MROH2A: variants seen among roughly 807,000 people sequenced by gnomAD.
The protein encoded by MROH2A is maestro heat like repeat family member 2A.
MROH2A carries 174 observed loss-of-function variants against 200.4 expected under a neutral mutation model. That is an observed-to-expected ratio of 0.87 (90% CI 0.77 to 0.98). The LOEUF is 0.98. Ranked by LOEUF, MROH2A falls within the 50% of genes least tolerant of loss-of-function variation. The pLI is 0.00. For missense variants in MROH2A, 2,045 were observed against 2,139.6 expected, an observed-to-expected ratio of 0.96 and a Z score of 0.87; for synonymous variants, 829 against 840.4, an observed-to-expected ratio of 0.99 and a Z score of 0.23.
chr2:233,812,544 T>A (rs1575980178), intron 24 of MROH2A, among the ~76,000 whole-genome samples: 2 of 152,224 alleles, frequency 1.3e-5, no homozygotes, highest in East Asian at 1.9e-4. Flanking sequence ...TTAAGCTGCA[T>A]CAAACAGGCA....
chr2:233,812,029 C>T (rs1703194433), intron 24 of MROH2A, 70 bp downstream of exon 24: 2 of 1,082,856 alleles, frequency 1.8e-6, no homozygotes, highest in African/African-American at 3.1e-5. Flanking sequence ...CCTCGGTGCT[C>T]CTTCAGGGGT....
chr2:233,793,523 G>T (rs1322596609), intron 6 of MROH2A, 150 bp from the exon 7 acceptor site: 1 of 611,286 alleles, frequency 1.6e-6, no homozygotes, highest in Non-Finnish European at 2.5e-6. Context: ...GAGTAAAAAT[G>T]AAGGTGCTGT....
At chr2:233,806,729 G>C (rs558187776) in intron 19 of MROH2A, among the ~76,000 whole-genome samples, 4 of 152,046 alleles carry the variant, frequency 2.6e-5, no homozygotes, top group Admixed American at 1.3e-4. Flanking sequence ...CCTTTAACAC[G>C]TATAACATGC....
chr2:233,803,442 A>G lies in MROH2A; in HGVS notation c.1709-6A>G. ...GCTCAGCTGGGGTTGCATTTCCTTC[A>G]ATCAGTGGACCTGCCTGCACCTCAG... is the stretch of plus-strand genomic sequence containing the variant. On this transcript the variant is annotated splice_region_variant and splice_polypyrimidine_tract_variant and intron_variant, in intron 15 of 41. Transcript: ENST00000389758. 6.4e-7 allele frequency: 1 copy of G among 1,550,492 alleles called. No homozygotes were observed. Among genetic ancestry groups the G allele is most frequent in the Non-Finnish European group, 8.7e-7 (1 of 1,146,932 alleles).
Position 233,816,831 on chromosome 2 carries a change from C to A in MROH2A, c.2907C>A (p.Ala969=), listed in dbSNP as rs1280644922. The change falls in exon 27 of 42, where the codon GCC becomes GCA. Residue 969 remains alanine, a synonymous_variant. Transcript: ENST00000389758. ...AGAAAGAATGGGAGCGGGAAAAGGC[C>A]GTGAGCCTCCATCTCTATCTCATGT... ...LSEKEWEREK[A]VSLHLYLMWI... 1 of 1,550,380 alleles carries A rather than the reference C, an allele frequency of 6.5e-7. No homozygotes were observed. The highest frequency in any genetic ancestry group is 8.7e-7 in the Non-Finnish European group (1 of 1,146,890).
At chr2:233,802,052 G>A in intron 14 of MROH2A, 116 bp from the exon 15 acceptor site, 1 of 1,161,426 alleles carries the variant, frequency 8.6e-7, no homozygotes, top group African/African-American at 1.6e-5. Context: ...GACTGTCAGG[G>A]GACATCTCTG....
chr2:233,793,533 T>C, intron 6 of MROH2A, 140 bp from the exon 7 acceptor site: 1 of 675,498 alleles, frequency 1.5e-6, no homozygotes, highest in Non-Finnish European at 2.2e-6. Context: ...GAAGGTGCTG[T>C]GGGGGGTTGG....
At chr2:233,789,705 C>G (rs1468000192) in intron 4 of MROH2A, 77 bp downstream of exon 4, 13 of 1,434,118 alleles carry the variant, frequency 9.1e-6, no homozygotes, top group Non-Finnish European at 9.2e-6. Flanking sequence ...GCCCAGGATG[C>G]CCACAGCCCT....
intron 3 of MROH2A, among the ~76,000 whole-genome samples, chr2:233,788,261 GAGTAAT>G (rs1428027975): frequency 2.2e-5 from 1 of 45,432 alleles, no homozygotes; most frequent in Admixed American, 3.6e-4. Context: ...ATGTCCTTGG[GAGTAAT>G]AATAATAATA....
chr2:233,811,883 G>A lies in MROH2A; in HGVS notation c.2575G>A (p.Val859Ile), dbSNP rs1703179185. 4 of 1,550,062 alleles carry A rather than the reference G, an allele frequency of 2.6e-6. No homozygotes were observed. Among genetic ancestry groups the A allele is most frequent in the Non-Finnish European group, 2.6e-6 (3 of 1,146,622 alleles). Residue 859 changes from valine to isoleucine, a missense_variant, in exon 24 of 42, where the codon GTC (valine) becomes ATC (isoleucine). Around this residue, in one of 3 missense-constraint regions of MROH2A, gnomAD observed 1,201 missense variants for 1,311.3 expected, o/e 0.92. Transcript: ENST00000389758. Reference protein sequence around the residue: ...KTTLTSIIVAVIKAEPTDNLV... With the variant: ...KTTLTSIIVAIIKAEPTDNLV... ...ACCCCCTGCTTGTGTTGGACAGGCG[G>A]TCATCAAGGCAGAACCGACTGACAA...
intron 27 of MROH2A, 42 bp from the exon 28 acceptor site, chr2:233,817,960 G>C (rs1703657087): frequency 6.5e-7 from 1 of 1,549,370 alleles, no homozygotes; most frequent in African/African-American, 1.4e-5. Flanking sequence ...AGGTGTGCAT[G>C]AGAGCACAGA....
At chr2:233,795,832 T>C in intron 9 of MROH2A, 87 bp downstream of exon 9, 1 of 1,547,442 alleles carries the variant, frequency 6.5e-7, no homozygotes, top group Non-Finnish European at 8.7e-7. Flanking sequence ...GGCCCACAAC[T>C]CACTCGCGTG....
chr2:233,793,825 G>A lies in MROH2A; in HGVS notation c.822+1G>A. Reference sequence around the variant, plus strand: ...GTGGCTGAGGCACTACAACCCCGAGGTGAGATGCACCCCTCTTAGGAGGGC... The same window carrying A: ...GTGGCTGAGGCACTACAACCCCGAGATGAGATGCACCCCTCTTAGGAGGGC... On this transcript the variant is annotated splice_donor_variant, in intron 7 of 41. Transcript: ENST00000389758. LOFTEE classifies it high-confidence loss of function. The A allele has an allele frequency of 7.1e-7, 1 of 1,411,456 alleles. No homozygotes were observed. The highest frequency in any genetic ancestry group is 1.7e-5 in the South Asian group (1 of 58,620). 87.4% of individuals were successfully genotyped at this position (1,411,456 alleles called of 1,614,324 possible).
chr2:233,789,336 A>C (rs568605733), intron 3 of MROH2A, among the ~76,000 whole-genome samples, 161 bp from the exon 4 acceptor site: 1 of 152,320 alleles, frequency 6.6e-6, no homozygotes, highest in African/African-American at 2.4e-5. Context: ...GGGCAGGAGA[A>C]GCGAAGCAGG....
At chr2:233,816,648 G>T (rs1165349662) in intron 26 of MROH2A, 133 bp from the exon 27 acceptor site, 4 of 565,766 alleles carry the variant, frequency 7.1e-6, no homozygotes, top group Non-Finnish European at 1.3e-5. Flanking sequence ...CTTCATGATG[G>T]GGCCTGTCTA....
Position 233,822,542 on chromosome 2 carries a change from G to A in MROH2A, c.3852G>A (p.Glu1284=). The A allele has an allele frequency of 6.5e-7, 1 of 1,549,824 alleles. No homozygotes were observed. The part of the protein sequence containing the change: ...KLVHTTPLPE[E]MNLQRVTIKS... ...TCCACACCACTCCTCTGCCGGAGGA[G>A]ATGAACCTGCAAAGGTGCTCTCGAG... Residue 1284 remains glutamate (E), a synonymous_variant, in exon 33 of 42, where the codon GAG becomes GAA. Transcript: ENST00000389758.
At position 233,820,889 on chromosome 2, in the gene MROH2A, G is replaced by A. The variant is rs755188300; in HGVS notation, c.3512+833G>A. Among the ~76,000 whole-genome samples the A allele has an allele frequency of 5.3e-5, 8 of 152,200 alleles. No homozygotes were observed. Among genetic ancestry groups the A allele is most frequent in the African/African-American group, 9.7e-5 (4 of 41,442 alleles). ...TGCTTCTCATAAGGGCAGCCCTGCC[G>A]TGGGTCCAGCTGGGAGGGTGGTGCA... On this transcript the variant is annotated intron_variant, in intron 31 of 41. Coordinates refer to ENST00000389758, the MANE Select transcript of MROH2A (RefSeq NM_001394639.1). The surrounding 1 kb of genome is among the most constrained non-coding windows in gnomAD (Gnocchi z 4.1).
intron 19 of MROH2A, among the ~76,000 whole-genome samples, chr2:233,805,607 G>A (rs1028503486): frequency 6.6e-6 from 1 of 152,124 alleles, no homozygotes; most frequent in Non-Finnish European, 1.5e-5. Flanking sequence ...ACAAAATTAT[G>A]AGAAGAAGAA....
chr2:233,796,012 C>T lies in MROH2A; in HGVS notation c.1105C>T (p.Leu369=). ...PAQHQYSSQN[L]MEMVHCFVAL... Reference sequence around the variant, plus strand: ...CCAGCATCAGTACAGCAGCCAGAATCTGATGGAGATGGTGCACTGCTTCGT... The same window carrying T: ...CCAGCATCAGTACAGCAGCCAGAATTTGATGGAGATGGTGCACTGCTTCGT... Residue 369 remains leucine (L), a synonymous_variant, in exon 10 of 42, where the codon CTG becomes TTG. Transcript: ENST00000389758. 1 of 1,550,614 alleles carries T rather than the reference C, an allele frequency of 6.4e-7. No homozygotes were observed. The highest frequency in any genetic ancestry group is 8.7e-7 in the Non-Finnish European group (1 of 1,146,976).
Sources: gnomAD v4.1 joint callset for allele counts (sites outside exome capture counted in the v4.1 genomes callset) on GRCh38, gnomAD v4.1.1 for gene constraint, gnomAD v4.1.1 regional missense constraint, Gnocchi (gnomAD v3.1) non-coding constraint, MANE v1.5 for transcripts, NCBI Gene and HGNC (gene_info 2026-07-23, HGNC 2026-07-21) for gene names.